PRH1: variants seen among roughly 807,000 people sequenced by gnomAD.
The protein encoded by PRH1 is salivary acidic proline-rich phosphoprotein 1/2.
In PRH1, 7 loss-of-function variants were observed where a neutral mutation model predicts 7.9. The ratio of observed to expected loss-of-function variants is 0.89; its 90% CI spans 0.50 to 1.67. PRH1 has a LOEUF of 1.67. Ranked by LOEUF, PRH1 falls within the 40% of genes most tolerant of loss-of-function variation. The pLI is 0.00. For missense variants in PRH1, 109 were observed against 223.6 expected (o/e 0.49, Z 3.27); for synonymous variants, 45 against 80.8 (o/e 0.56, Z 2.38).
At chr12:11,019,886 C>A (rs1487451412) in intron 1 of PRH1, among the ~76,000 whole-genome samples, 4 of 152,294 alleles carry the variant, frequency 2.6e-5, no homozygotes. Context: ...GGTCTGCTAG[C>A]CCCGAGCAGC....
chr12:11,145,471 G>T (rs1444613097), intron 1 of PRH1, among the ~76,000 whole-genome samples: 1 of 152,092 alleles, frequency 6.6e-6, no homozygotes, highest in Non-Finnish European at 1.5e-5. Context: ...AGGATTACAG[G>T]TGTGAGCCAC....
intron 1 of PRH1, among the ~76,000 whole-genome samples, chr12:10,993,891 C>A (rs1940068654): frequency 6.6e-6 from 1 of 152,194 alleles, no homozygotes; most frequent in African/African-American, 2.4e-5. Context: ...GGAGAGCAAA[C>A]CCCTAGCCAA....
At chr12:10,925,361 C>A (rs1412305825) in intron 2 of PRH1, among the ~76,000 whole-genome samples, 1 of 152,192 alleles carries the variant, frequency 6.6e-6, no homozygotes, top group Non-Finnish European at 1.5e-5. Context: ...TTTATCCCTT[C>A]ATACACAAAT....
At chr12:10,989,355 T>G (rs1214137096) in intron 1 of PRH1, among the ~76,000 whole-genome samples, 3 of 152,196 alleles carry the variant, frequency 2.0e-5, no homozygotes, top group Non-Finnish European at 4.4e-5. Context: ...CATCTTTAGT[T>G]GATACATATT....
At chr12:10,889,539 G>A (rs145753000) in intron 2 of PRH1, among the ~76,000 whole-genome samples, 91 of 152,232 alleles carry the variant, frequency 6.0e-4, no homozygotes, top group Admixed American at 1.4e-3. Flanking sequence ...TCTTGAATCT[G>A]TAGGTTTATG....
intron 1 of PRH1, among the ~76,000 whole-genome samples, chr12:11,043,984 A>G (rs7310224): frequency 0.23 from 34,838 of 152,076 alleles, 4,975 homozygotes; most frequent in East Asian, 0.55. Context: ...GAATAGCCAA[A>G]AGTATCCTAA....
intron 1 of PRH1, among the ~76,000 whole-genome samples, chr12:11,010,216 A>G (rs890724808): frequency 1.4e-4 from 21 of 151,962 alleles, no homozygotes; most frequent in African/African-American, 4.1e-4. Context: ...AATTTCCCAA[A>G]ATGATAATCT....
In PRH1 at chr12:10,962,831, G is replaced by A. The variant is rs549836917; in HGVS notation, c.-59+10824C>T. Among the ~76,000 whole-genome samples the A allele has an allele frequency of 4.6e-5, 7 of 152,266 alleles. No individual in the cohort carries two copies. In the East Asian group the frequency reaches 7.7e-4, roughly 17 times the overall value. On this transcript the variant is annotated intron_variant, in intron 2 of 3. Transcript: ENST00000539853. ...GTCGCCCAGGCTGGAGTGCAGTGGC[G>A]CGATCTCGGCTCACTGCAAGCTCCG...
At chr12:10,904,613 C>T (rs1387782400) in intron 2 of PRH1, among the ~76,000 whole-genome samples, 1 of 152,072 alleles carries the variant, frequency 6.6e-6, no homozygotes, top group Non-Finnish European at 1.5e-5. Context: ...TAAACATTGG[C>T]CTTGGGAAAG....
intron 1 of PRH1, among the ~76,000 whole-genome samples, chr12:11,114,153 G>A (rs937826639): frequency 6.6e-6 from 1 of 152,068 alleles, no homozygotes; most frequent in Non-Finnish European, 1.5e-5. Flanking sequence ...TCCCATTACT[G>A]GGTACATACC....
At chr12:10,997,646 T>A in intron 1 of PRH1, 1 of 1,613,594 alleles carries the variant, frequency 6.2e-7, no homozygotes, top group Non-Finnish European at 8.5e-7. Context: ...TACTTTTAAA[T>A]TAGATGAAGT....
At chr12:11,120,361 A>G (rs1565671884), downstream of PRH1, among the ~76,000 whole-genome samples, 1 of 152,068 alleles carries the variant, frequency 6.6e-6, no homozygotes, top group Non-Finnish European at 1.5e-5. Context: ...GGACCAGACA[A>G]AGCTTTGGAT....
Position 11,128,351 on chromosome 12 carries a change from G to C in PRH1, n.40-7171C>G, listed in dbSNP as rs1946206687. Among the ~76,000 whole-genome samples the C allele has an allele frequency of 2.3e-5, 3 of 128,794 alleles. No individual in the cohort carries two copies. The Admixed American group carries it at 2.3e-4, about 10-fold the overall frequency. The allele number at this position is 128,794 out of a possible 152,430, so 84.5% of individuals were successfully genotyped here. A position where few individuals can be genotyped will look rare whatever the true frequency, so the allele number is the denominator to read the frequency against. On this transcript the variant is annotated intron_variant and non_coding_transcript_variant, in intron 1 of 1. Transcript: ENST00000541175. ...TTTTATAGCATAACTGTTTCTAAGA[G>C]GGGATCTTGGAGTCAGACGCCAGGT...
intron 1 of PRH1, among the ~76,000 whole-genome samples, chr12:11,149,612 C>T (rs569524630): frequency 2.4e-4 from 35 of 145,494 alleles, no homozygotes; most frequent in East Asian, 3.9e-4. Flanking sequence ...AACTGGCTAG[C>T]CATATGTAGA....
intron 1 of PRH1, among the ~76,000 whole-genome samples, chr12:11,136,395 T>A (rs2019633): frequency 0.45 from 69,142 of 152,016 alleles, 16,526 homozygotes; most frequent in Non-Finnish European, 0.52. Context: ...ACATTTGGTC[T>A]GCTTCTTTTT....
At chr12:10,961,707 A>C (rs1320816803) in intron 2 of PRH1, among the ~76,000 whole-genome samples, 3 of 152,222 alleles carry the variant, frequency 2.0e-5, no homozygotes, top group African/African-American at 7.2e-5. Flanking sequence ...TGGATGATGG[A>C]AAGCAGAACA....
chr12:11,131,604 T>C (rs543166208), intron 1 of PRH1, among the ~76,000 whole-genome samples: 1 of 152,414 alleles, frequency 6.6e-6, no homozygotes, highest in Admixed American at 6.5e-5. Flanking sequence ...CCAAAGTCTT[T>C]TATATGCTTT....
At chr12:10,925,051 A>G (rs1233729830) in intron 2 of PRH1, among the ~76,000 whole-genome samples, 1 of 152,090 alleles carries the variant, frequency 6.6e-6, no homozygotes, top group Non-Finnish European at 1.5e-5. Context: ...CTAGCTTTTG[A>G]ATGTGTTGGA....
At chr12:11,097,828 C>A (rs1266166873) in intron 1 of PRH1, among the ~76,000 whole-genome samples, 1 of 112,406 alleles carries the variant, frequency 8.9e-6, no homozygotes, top group Admixed American at 9.0e-5. Context: ...TGGAGCTCAG[C>A]GTGATGAGAG....
Sources: allele counts gnomAD v4.1 joint callset (sites outside exome capture counted in the v4.1 genomes callset), GRCh38; gene constraint gnomAD v4.1.1; transcripts MANE v1.5; gene names NCBI Gene and HGNC (gene_info 2026-07-23, HGNC 2026-07-21).